Variants in VPS41 observed in about 807,000 individuals in gnomAD.
VPS41 encodes the protein vacuolar protein sorting-associated protein 41 homolog.
In VPS41, 85 loss-of-function variants were observed where a neutral mutation model predicts 130.9. That is an observed-to-expected ratio of 0.65 (90% CI 0.55 to 0.78). The LOEUF is 0.78. Among genes scored for constraint, VPS41 ranks in the 30% least tolerant of loss-of-function variants. VPS41 has a pLI of 0.00. For missense variants in VPS41, 874 were observed against 1,018.7 expected (o/e 0.86, Z 1.93); for synonymous variants, 335 against 332.9 (o/e 1.01, Z -0.07).
At chr7:38,888,239 G>C (rs1406949426) in intron 2 of VPS41, among the ~76,000 whole-genome samples, 1 of 151,984 alleles carries the variant, frequency 6.6e-6, no homozygotes, top group Non-Finnish European at 1.5e-5. Context: ...ACGCAAACTG[G>C]ATAGAGTCAA....
chr7:38,756,241 C>CAT (rs1000561189), intron 19 of VPS41, among the ~76,000 whole-genome samples: 3 of 151,840 alleles, frequency 2.0e-5, no homozygotes, highest in African/African-American at 4.8e-5. Context: ...CACACACACA[C>CAT]ACACACACAG....
chr7:38,728,727 A>C lies in VPS41; in HGVS notation c.2324T>G (p.Met775Arg). The C allele has an allele frequency of 6.2e-7, 1 of 1,614,092 alleles. No homozygotes were observed. ...AACACCTTTCATTTGAGTTCGGTGCATTTTCTTCAGTAAGGACAAAGAGTC... is the reference window on the plus strand; with the variant it reads ...AACACCTTTCATTTGAGTTCGGTGCCTTTTCTTCAGTAAGGACAAAGAGTC... ...VADSLSLLKK[M>R]HRTQMKGVLV... The change falls in exon 26 of 29, where the codon ATG (methionine) becomes AGG (arginine). Residue 775 changes from methionine to arginine, a missense_variant. Transcript: ENST00000310301.
chr7:38,836,908 AC>A (rs1785506534), intron 4 of VPS41, among the ~76,000 whole-genome samples: 1 of 152,210 alleles, frequency 6.6e-6, no homozygotes, highest in Non-Finnish European at 1.5e-5. Context: ...TATCAAAATT[AC>A]TTAAAATATA....
intron 2 of VPS41, 90 bp downstream of exon 2, chr7:38,898,001 C>T (rs1787047224): frequency 1.6e-6 from 2 of 1,239,714 alleles, no homozygotes; most frequent in Admixed American, 3.4e-5. Context: ...ACCCTCAGCC[C>T]CTGGGAATGT....
At chr7:38,836,605 T>G (rs1053313698) in intron 4 of VPS41, among the ~76,000 whole-genome samples, 1 of 152,156 alleles carries the variant, frequency 6.6e-6, no homozygotes, top group Non-Finnish European at 1.5e-5. Flanking sequence ...TTGTACCTTA[T>G]TACACATTTT....
intron 10 of VPS41, among the ~76,000 whole-genome samples, chr7:38,782,855 G>A (rs578108805): frequency 1.3e-5 from 2 of 152,304 alleles, no homozygotes; most frequent in South Asian, 2.1e-4. Context: ...GGTGGCTCAC[G>A]CCTTTAATCA....
chr7:38,811,237 A>C (rs1784936847), intron 7 of VPS41, among the ~76,000 whole-genome samples: 1 of 152,154 alleles, frequency 6.6e-6, no homozygotes, highest in Non-Finnish European at 1.5e-5. Context: ...TGAAGCATAA[A>C]TAATCTTTAC....
intron 2 of VPS41, among the ~76,000 whole-genome samples, chr7:38,884,226 T>C (rs1786672063): frequency 6.6e-6 from 1 of 152,262 alleles, no homozygotes. Flanking sequence ...TGACTGGTTT[T>C]CATTTTAACA....
intron 14 of VPS41, among the ~76,000 whole-genome samples, chr7:38,769,794 A>G (rs1784118903): frequency 6.6e-6 from 1 of 152,214 alleles, no homozygotes; most frequent in African/African-American, 2.4e-5. Context: ...CTGGATTAGG[A>G]AGCCTCCTGA....
chr7:38,730,506 T>C (rs1442462010), intron 25 of VPS41, among the ~76,000 whole-genome samples: 1 of 152,248 alleles, frequency 6.6e-6, no homozygotes, highest in Non-Finnish European at 1.5e-5. Context: ...TTAGTATTCC[T>C]ACATTAATTG....
intron 17 of VPS41, among the ~76,000 whole-genome samples, chr7:38,761,313 T>C: frequency 7.9e-6 from 1 of 126,130 alleles, no homozygotes; most frequent in East Asian, 2.5e-4. Context: ...TTTCGCTCTG[T>C]CGCCCAGGCT....
chr7:38,827,075 C>T lies in VPS41; in HGVS notation c.321+3179G>A, dbSNP rs535736725. ...CCCCGTGATCTGCCCGCTTCGGCCTCCCAAAGTGCTGGGATTACAGGCGTG... is the reference window on the plus strand; with the variant it reads ...CCCCGTGATCTGCCCGCTTCGGCCTTCCAAAGTGCTGGGATTACAGGCGTG... On this transcript the variant is annotated intron_variant, in intron 5 of 28. Coordinates refer to ENST00000310301, the MANE Select transcript of VPS41 (RefSeq NM_014396.4). Among the ~76,000 whole-genome samples the T allele has an allele frequency of 3.5e-3, 532 of 152,266 alleles. 6 individuals are homozygous for T. Among genetic ancestry groups the T allele is most frequent in the African/African-American group, 0.012 (487 of 41,550 alleles).
intron 17 of VPS41, among the ~76,000 whole-genome samples, chr7:38,763,014 TA>T (rs1212328401): frequency 2.0e-5 from 3 of 152,208 alleles, no homozygotes; most frequent in Non-Finnish European, 2.9e-5. Context: ...ATAAAAACAA[TA>T]AATTTTTTTA....
intron 2 of VPS41, among the ~76,000 whole-genome samples, chr7:38,871,963 A>T (rs925358361): frequency 6.6e-6 from 1 of 152,192 alleles, no homozygotes; most frequent in African/African-American, 2.4e-5. Flanking sequence ...CCTGGCCACC[A>T]AAATGTACTG....
At chr7:38,812,251 T>G (rs1282490424) in intron 7 of VPS41, among the ~76,000 whole-genome samples, 1 of 152,068 alleles carries the variant, frequency 6.6e-6, no homozygotes, top group Non-Finnish European at 1.5e-5. Flanking sequence ...AACCCTAACA[T>G]TTATGGTTAA....
intron 9 of VPS41, among the ~76,000 whole-genome samples, chr7:38,793,242 AC>A (rs1784564977): frequency 6.6e-6 from 1 of 152,232 alleles, no homozygotes; most frequent in Admixed American, 6.5e-5. Flanking sequence ...ACACTAGAAC[AC>A]TGCCTGGCAC....
At chr7:38,736,523 G>C (rs1284068374) in intron 25 of VPS41, among the ~76,000 whole-genome samples, 1 of 152,240 alleles carries the variant, frequency 6.6e-6, no homozygotes, top group African/African-American at 2.4e-5. Flanking sequence ...CTCTTTAAAA[G>C]ACAACAGTTG....
chr7:38,881,072 T>TAA (rs11421069), intron 2 of VPS41, among the ~76,000 whole-genome samples: 1 of 151,978 alleles, frequency 6.6e-6, no homozygotes, highest in African/African-American at 2.4e-5. Flanking sequence ...ATCATTGCTG[T>TAA]AAAAAAAATG....
At chr7:38,881,812 ATCAAT>A (rs1467283022) in intron 2 of VPS41, among the ~76,000 whole-genome samples, 5 of 152,120 alleles carry the variant, frequency 3.3e-5, no homozygotes, top group Admixed American at 2.0e-4. Context: ...GATTAATAAA[ATCAAT>A]TCATTCATTC....
Sources: gnomAD v4.1 joint callset for allele counts (sites outside exome capture counted in the v4.1 genomes callset) on GRCh38, gnomAD v4.1.1 for gene constraint, MANE v1.5 for transcripts, NCBI Gene and HGNC (gene_info 2026-07-23, HGNC 2026-07-21) for gene names.